Variants in FHIT observed in about 807,000 individuals in gnomAD.
The protein encoded by FHIT is bis(5'-adenosyl)-triphosphatase.
FHIT carries 19 observed loss-of-function variants against 17.9 expected under a neutral mutation model. That is an observed-to-expected ratio of 1.06 (90% CI 0.74 to 1.56). The LOEUF is 1.56. Ranked by LOEUF, FHIT falls within the 40% of genes most tolerant of loss-of-function variation. FHIT has a pLI of 0.00. For synonymous variants in FHIT, 81 were observed against 69.7 expected (o/e 1.16, Z -0.81); for missense variants, 248 against 189.2 (o/e 1.31, Z -1.82).
intron 4 of FHIT, among the ~76,000 whole-genome samples, chr3:60,739,193 C>T (rs1553713337): frequency 6.6e-6 from 1 of 152,220 alleles, no homozygotes; most frequent in East Asian, 1.9e-4. Context: ...ATCCTTCAAG[C>T]CTGTGTGTGA....
intron 4 of FHIT, among the ~76,000 whole-genome samples, chr3:60,670,081 T>C (rs1482087155): frequency 2.0e-5 from 3 of 152,214 alleles, no homozygotes; most frequent in African/African-American, 7.2e-5. Flanking sequence ...GAAACGATCT[T>C]TCTCTTTGTC....
At position 60,405,117 on chromosome 3, in the gene FHIT, C is replaced by A. The variant is rs549145567; in HGVS notation, c.103+131743G>T. The stretch of plus-strand genomic sequence containing the variant: ...GGGGTAGGTACCAGGTGGAACCCCA[C>A]TTCCAAGCCAAAGACAGTTTAAAGC... On this transcript the variant is annotated intron_variant, in intron 5 of 9. Transcript: ENST00000492590. Among the ~76,000 whole-genome samples, 4 of 152,304 alleles carry A rather than the reference C, an allele frequency of 2.6e-5. No homozygotes were observed. In the East Asian group the frequency reaches 7.7e-4, roughly 29 times the overall value.
chr3:60,500,771 T>TAAAAAAAAAAAAAAAAAAAA (rs71092606), intron 5 of FHIT, among the ~76,000 whole-genome samples: 5 of 64,858 alleles, frequency 7.7e-5, no homozygotes, highest in African/African-American at 3.1e-4. Flanking sequence ...AGCATCCATC[T>TAAAAAAAAAAAAAAAAAAAA]AAAAAAAAAA....
chr3:59,892,270 G>C (rs17061380), intron 8 of FHIT, among the ~76,000 whole-genome samples: 10,193 of 152,226 alleles, frequency 0.067, 533 homozygotes, highest in African/African-American at 0.14. Context: ...GACAAATTGC[G>C]CTCAGGAGTC....
intron 4 of FHIT, among the ~76,000 whole-genome samples, chr3:60,747,826 G>C (rs181705942): frequency 6.6e-6 from 1 of 152,228 alleles, no homozygotes; most frequent in Admixed American, 6.5e-5. Context: ...ATTTTTCAAG[G>C]TTATATAATC....
chr3:60,122,448 T>C (rs1017745257), intron 5 of FHIT, among the ~76,000 whole-genome samples: 4 of 152,124 alleles, frequency 2.6e-5, no homozygotes, highest in African/African-American at 9.7e-5. Flanking sequence ...TCAGGATACA[T>C]GAATCCATGA....
chr3:60,733,470 TG>T (rs1455287505), intron 4 of FHIT, among the ~76,000 whole-genome samples: 3 of 152,196 alleles, frequency 2.0e-5, no homozygotes, highest in Non-Finnish European at 4.4e-5. Context: ...TTTAGGCCAG[TG>T]AGCTGACAGA....
At chr3:60,362,034 G>T (rs1164108529) in intron 5 of FHIT, among the ~76,000 whole-genome samples, 5 of 151,650 alleles carry the variant, frequency 3.3e-5, no homozygotes, top group Non-Finnish European at 7.4e-5. Flanking sequence ...TCTGCCATGG[G>T]TGTCACCAAT....
chr3:60,026,567 G>C (rs1211391593), intron 5 of FHIT, among the ~76,000 whole-genome samples: 2 of 152,142 alleles, frequency 1.3e-5, no homozygotes, highest in Non-Finnish European at 2.9e-5. Flanking sequence ...ACTGGTAGCA[G>C]AGTCTAGGAA....
chr3:60,142,738 G>T (rs149031445), intron 5 of FHIT, among the ~76,000 whole-genome samples: 73 of 150,206 alleles, frequency 4.9e-4, no homozygotes, highest in African/African-American at 1.6e-3. Flanking sequence ...TGCCCAGGCT[G>T]GTCTCAAACT....
chr3:60,422,127 C>T (rs1342040428), intron 5 of FHIT, among the ~76,000 whole-genome samples: 1 of 152,106 alleles, frequency 6.6e-6, no homozygotes, highest in African/African-American at 2.4e-5. Flanking sequence ...CCTGGTTATC[C>T]TTGCTTATAA....
chr3:59,778,359 A>G (rs1702423492), intron 8 of FHIT, among the ~76,000 whole-genome samples: 1 of 152,242 alleles, frequency 6.6e-6, no homozygotes, highest in Admixed American at 6.5e-5. Flanking sequence ...TTGAATGACC[A>G]TAACCCAGGA....
chr3:60,006,202 C>A (rs1406754728), intron 7 of FHIT, among the ~76,000 whole-genome samples: 1 of 152,092 alleles, frequency 6.6e-6, no homozygotes, highest in Non-Finnish European at 1.5e-5. Flanking sequence ...ATTATTTTCC[C>A]CAATTAAGAA....
chr3:60,792,189 C>T (rs1553728699), intron 4 of FHIT, among the ~76,000 whole-genome samples: 2 of 152,244 alleles, frequency 1.3e-5, no homozygotes. Context: ...ATGATTTAGA[C>T]ACCGTTTTCT....
At chr3:60,354,211 GCATA>G (rs555593385) in intron 5 of FHIT, among the ~76,000 whole-genome samples, 10 of 151,970 alleles carry the variant, frequency 6.6e-5, no homozygotes, top group East Asian at 1.9e-4. Context: ...TATTTTTAAA[GCATA>G]CATAAACTCA....
intron 3 of FHIT, among the ~76,000 whole-genome samples, chr3:60,921,073 G>T (rs1294177633): frequency 6.6e-6 from 1 of 152,180 alleles, no homozygotes; most frequent in Non-Finnish European, 1.5e-5. Context: ...ACTGTGCATA[G>T]ATAGGGGACG....
At chr3:60,952,223 C>T (rs1229344640) in intron 3 of FHIT, among the ~76,000 whole-genome samples, 1 of 149,458 alleles carries the variant, frequency 6.7e-6, no homozygotes, top group African/African-American at 2.5e-5. Flanking sequence ...CTATACCACA[C>T]CGAATCAGTC....
chr3:60,226,578 G>A (rs1005022213), intron 5 of FHIT, among the ~76,000 whole-genome samples: 2 of 151,568 alleles, frequency 1.3e-5, no homozygotes, highest in African/African-American at 4.9e-5. Context: ...CACAATGATT[G>A]CAGGATTAAA....
intron 8 of FHIT, among the ~76,000 whole-genome samples, chr3:59,774,937 C>T (rs1314758807): frequency 6.6e-6 from 1 of 152,160 alleles, no homozygotes. Flanking sequence ...ATCAGCATCA[C>T]TTGGGAGCTT....
Sources: gnomAD v4.1 joint callset for allele counts (sites outside exome capture counted in the v4.1 genomes callset) on GRCh38, gnomAD v4.1.1 for gene constraint, MANE v1.5 for transcripts, NCBI Gene and HGNC (gene_info 2026-07-23, HGNC 2026-07-21) for gene names.